Variants in SLC39A14 observed in about 807,000 individuals in gnomAD.
SLC39A14 encodes the protein solute carrier family 39 member 14, also known as metal cation symporter ZIP14.
A neutral mutation model predicts 45.5 loss-of-function variants in SLC39A14; 19 were observed. The observed-to-expected ratio is 0.42, with a 90% CI of 0.29 to 0.61. The LOEUF (loss-of-function observed/expected upper bound fraction) is 0.61, where lower values mean the gene tolerates loss of function less well. Among genes scored for constraint, SLC39A14 ranks in the 20% least tolerant of loss-of-function variants. The pLI, the probability that SLC39A14 is intolerant of heterozygous loss-of-function variation, is 0.22. For synonymous variants in SLC39A14, 264 were observed against 251.3 expected, an observed-to-expected ratio of 1.05 and a Z score of -0.48; for missense variants, 447 against 616.5, an observed-to-expected ratio of 0.73 and a Z score of 2.91.
At position 22,421,549 on chromosome 8, in the gene SLC39A14, A is replaced by C; in HGVS notation, c.*1851A>C. ...ACCAATTCCTTGAATGTTGGAATCT[A>C]ACTTTTTATATTGTCATTATTATTG... On this transcript the variant is annotated 3_prime_UTR_variant, in exon 9 of 9. Transcript: ENST00000381237. 1 of 985,440 alleles carries C rather than the reference A, an allele frequency of 1.0e-6. No homozygotes were observed. The highest frequency in any genetic ancestry group is 1.2e-6 in the Non-Finnish European group (1 of 829,554). The allele number at this position is 985,440 out of a possible 1,614,324, so 61.0% of individuals were successfully genotyped here.
chr8:22,423,786 T>TTCTTTCTCTCTCTCTCTCTCTCTCTC (rs1836331187), downstream of SLC39A14, among the ~76,000 whole-genome samples: 1 of 122,258 alleles, frequency 8.2e-6, no homozygotes, highest in African/African-American at 2.9e-5. Context: ...TTTAATTGGT[T>TTCTTTCTCTCTCTCTCTCTCTCTCTC]TCTCTCTCTC....
rs201535088 is a variant in SLC39A14 at position 22,416,186 on chromosome 8, T to C, written c.1053T>C (p.Asp351=). The C allele has an allele frequency of 6.2e-7, 1 of 1,614,092 alleles. No individual in the cohort carries two copies. The highest frequency in any genetic ancestry group is 1.1e-5 in the South Asian group (1 of 91,074). Residue 351 remains aspartate (D), a synonymous_variant, in exon 7 of 9, where the codon GAT becomes GAC. Transcript: ENST00000381237. ...GCGACGGCCTCCATAATTTCATCGATGGCCTGGCCATCGGTGCTTCCTTCA... is the reference window on the plus strand; with the variant it reads ...GCGACGGCCTCCATAATTTCATCGACGGCCTGGCCATCGGTGCTTCCTTCA... ...TLSDGLHNFI[D]GLAIGASFTV...
chr8:22,423,142 CTCTCT>C (rs1373939231), downstream of SLC39A14, among the ~76,000 whole-genome samples: 13 of 151,090 alleles, frequency 8.6e-5, no homozygotes, highest in African/African-American at 1.9e-4. Flanking sequence ...AACTTTTGTA[CTCTCT>C]TCTCTTTTCT....
Position 22,420,064 on chromosome 8 carries a change from C to T in SLC39A14, c.*366C>T, listed in dbSNP as rs1836137900. 1 of 1,004,798 alleles carries T rather than the reference C, an allele frequency of 1.0e-6. No homozygotes were observed. Among genetic ancestry groups the T allele is most frequent in the Non-Finnish European group, 1.2e-6 (1 of 842,502 alleles). The allele number at this position is 1,004,798 out of a possible 1,614,324, so 62.2% of individuals were successfully genotyped here. On this transcript the variant is annotated 3_prime_UTR_variant, in exon 9 of 9. Coordinates refer to ENST00000381237, the MANE Select transcript of SLC39A14 (RefSeq NM_001128431.4). ...TTACCCAACAATGCAAAAATAGAGC[C>T]AATGGTTATAACTTGGCTAGAAATA... is the stretch of plus-strand genomic sequence containing the variant.
downstream of SLC39A14, among the ~76,000 whole-genome samples, chr8:22,425,437 A>C (rs986422103): frequency 1.3e-5 from 2 of 152,178 alleles, no homozygotes; most frequent in African/African-American, 2.4e-5. Flanking sequence ...GATTTGGGCA[A>C]AACCCACTTC....
rs202049211 is a variant in SLC39A14 at position 22,416,041 on chromosome 8, G to A, written c.940-32G>A. On this transcript the variant is annotated intron_variant, in intron 6 of 8. Coordinates refer to ENST00000381237, the MANE Select transcript of SLC39A14 (RefSeq NM_001128431.4). ...GAGGGCACATGGTCCAGCCTTTGACGCTGTGGGCCCTGGGGGTGTGCTTTC... is the reference window on the plus strand; with the variant it reads ...GAGGGCACATGGTCCAGCCTTTGACACTGTGGGCCCTGGGGGTGTGCTTTC... 6.7e-4 allele frequency: 1,081 copies of A among 1,611,776 alleles called. 2 individuals are homozygous for A. The highest frequency in any genetic ancestry group is 7.9e-4 in the Non-Finnish European group (934 of 1,178,056).
chr8:22,402,146 C>T (rs906400507), intron 1 of SLC39A14, among the ~76,000 whole-genome samples: 12 of 152,108 alleles, frequency 7.9e-5, no homozygotes, highest in Non-Finnish European at 1.5e-4. Context: ...CTTTGGGAGG[C>T]GGAGGCGTGT....
intron 1 of SLC39A14, among the ~76,000 whole-genome samples, chr8:22,389,669 G>A (rs566738033): frequency 6.6e-6 from 1 of 152,272 alleles, no homozygotes; most frequent in East Asian, 1.9e-4. Flanking sequence ...TCCCCGGGGT[G>A]GCGAGGTGAG....
chr8:22,404,473 T>G (rs1450910141), intron 1 of SLC39A14: 2 of 353,624 alleles, frequency 5.7e-6, no homozygotes, highest in Non-Finnish European at 1.0e-5. Context: ...TTTTTTTTTT[T>G]TTCATTTTTC....
chr8:22,407,901 G>C (rs927837213), intron 2 of SLC39A14, among the ~76,000 whole-genome samples: 1 of 150,752 alleles, frequency 6.6e-6, no homozygotes, highest in African/African-American at 2.4e-5. Context: ...TGTAAAGAAG[G>C]GGTCTCATGT....
At chr8:22,427,869 G>C (rs992277007) in intron 8 of SLC39A14, among the ~76,000 whole-genome samples, 2 of 152,152 alleles carry the variant, frequency 1.3e-5, no homozygotes, top group African/African-American at 2.4e-5. Context: ...TAACTAAAAG[G>C]GTGGTAAAAT....
intron 1 of SLC39A14, among the ~76,000 whole-genome samples, chr8:22,397,586 T>TC (rs1834574408): frequency 6.7e-6 from 1 of 149,138 alleles, no homozygotes; most frequent in Non-Finnish European, 1.5e-5. Flanking sequence ...CGAGACTCCG[T>TC]CCCAAAAAAA....
downstream of SLC39A14, among the ~76,000 whole-genome samples, chr8:22,424,653 T>C (rs1836352220): frequency 6.6e-6 from 1 of 152,140 alleles, no homozygotes; most frequent in South Asian, 2.1e-4. Flanking sequence ...GTTCTTTGCA[T>C]ACCAAATTCC....
intron 6 of SLC39A14, 45 bp from the exon 7 acceptor site, chr8:22,416,028 T>C: frequency 6.2e-7 from 1 of 1,610,352 alleles, no homozygotes; most frequent in South Asian, 1.1e-5. Context: ...GGGCACATGG[T>C]CCAGCCTTTG....
At chr8:22,400,319 T>C (rs1834783058) in intron 1 of SLC39A14, among the ~76,000 whole-genome samples, 1 of 152,222 alleles carries the variant, frequency 6.6e-6, no homozygotes, top group African/African-American at 2.4e-5. Context: ...GTTTCCCAGC[T>C]TCTGTTAAAG....
chr8:22,428,400 T>G (rs117402326), intron 8 of SLC39A14, among the ~76,000 whole-genome samples: 1,891 of 151,808 alleles, frequency 0.012, 16 homozygotes, highest in Non-Finnish European at 0.019. Flanking sequence ...ATGCTCAACT[T>G]AGCTTAGTAG....
At chr8:22,414,679 T>C in intron 4 of SLC39A14, 101 bp from the exon 5 acceptor site, 1 of 1,269,194 alleles carries the variant, frequency 7.9e-7, no homozygotes, top group Non-Finnish European at 1.1e-6. Flanking sequence ...ATTATGCCTC[T>C]CTCCTTTCCT....
At chr8:22,428,707 C>T (rs1018293851) in intron 8 of SLC39A14, among the ~76,000 whole-genome samples, 11 of 151,928 alleles carry the variant, frequency 7.2e-5, no homozygotes, top group Non-Finnish European at 1.2e-4. Context: ...TCCCAAAGTG[C>T]TGGGATTACA....
chr8:22,379,892 G>GCA (rs1307161732), intron 1 of SLC39A14, among the ~76,000 whole-genome samples: 1 of 138,966 alleles, frequency 7.2e-6, no homozygotes, highest in Non-Finnish European at 1.5e-5. Context: ...TTGTGCCACT[G>GCA]CACTCCAGCC....
Sources: gnomAD v4.1 joint callset for allele counts (sites outside exome capture counted in the v4.1 genomes callset) on GRCh38, gnomAD v4.1.1 for gene constraint, MANE v1.5 for transcripts, NCBI Gene and HGNC (gene_info 2026-07-23, HGNC 2026-07-21) for gene names.